MROH9: variants seen among roughly 807,000 people sequenced by gnomAD.
MROH9 encodes the protein maestro heat-like repeat-containing protein family member 9.
Under a neutral mutation model 98.2 loss-of-function variants are expected in MROH9, and 92 were observed. The ratio of observed to expected loss-of-function variants is 0.94; its 90% CI spans 0.79 to 1.11. The LOEUF (loss-of-function observed/expected upper bound fraction) is 1.11, where lower values mean the gene tolerates loss of function less well. Ranked by LOEUF, MROH9 falls within the 50% of genes most tolerant of loss-of-function variation. The pLI, the probability that MROH9 is intolerant of heterozygous loss-of-function variation, is 0.00. For missense variants in MROH9, 1,057 were observed against 1,014.8 expected (o/e 1.04, Z -0.57); for synonymous variants, 397 against 368.9 (o/e 1.08, Z -0.87).
In MROH9 at chr1:170,963,755, T is replaced by C. The variant is rs544699588; in HGVS notation, c.376-1396T>C. Among the ~76,000 whole-genome samples, 3 of 152,156 alleles carry C rather than the reference T, an allele frequency of 2.0e-5. No individual in the cohort carries two copies. In the South Asian group the frequency reaches 6.2e-4, roughly 31 times the overall value. ...AAACAGAAAACCAAATACTGCATGTTCTCACTTATTAGTGAGAGCTAAGTG... is the reference window on the plus strand; with the variant it reads ...AAACAGAAAACCAAATACTGCATGTCCTCACTTATTAGTGAGAGCTAAGTG... On this transcript the variant is annotated intron_variant, in intron 6 of 21. Coordinates refer to ENST00000367759, the MANE Select transcript of MROH9 (RefSeq NM_001163629.2).
intron 1 of MROH9, among the ~76,000 whole-genome samples, chr1:170,942,693 T>C (rs773150603): frequency 3.9e-5 from 6 of 152,128 alleles, no homozygotes; most frequent in Non-Finnish European, 8.8e-5. Context: ...CCTCCCTGGA[T>C]AGATGACTGA....
At chr1:170,981,783 A>G (rs1650941462) in intron 8 of MROH9, among the ~76,000 whole-genome samples, 1 of 152,122 alleles carries the variant, frequency 6.6e-6, no homozygotes, top group Non-Finnish European at 1.5e-5. Context: ...CAACCAAATA[A>G]AAAATAAAAA....
chr1:171,024,877 T>C (rs1176514766), intron 19 of MROH9, 112 bp downstream of exon 19: 3 of 646,638 alleles, frequency 4.6e-6, no homozygotes, highest in Admixed American at 3.1e-5. Context: ...AGGAAAAAAA[T>C]GGAAGAAAAT....
chr1:170,965,929 T>C (rs1486791717), intron 7 of MROH9, among the ~76,000 whole-genome samples: 1 of 152,160 alleles, frequency 6.6e-6, no homozygotes, highest in Non-Finnish European at 1.5e-5. Flanking sequence ...ATTCATTTTA[T>C]TATTTTAAAT....
Position 170,992,311 on chromosome 1 carries a change from C to T in MROH9, c.1176C>T (p.Thr392=), listed in dbSNP as rs1313135319. The part of the protein sequence containing the change: ...TEGKRFSLDI[T]NLMPLAACQA... ...GGAAACGTTTCTCTCTTGATATTAC[C>T]AACTTGATGCCTTTGGCGGTAAATA... Residue 392 remains threonine, a synonymous_variant, in exon 12 of 22, where the codon ACC becomes ACT. Transcript: ENST00000367759. The T allele has an allele frequency of 6.2e-7, 1 of 1,612,910 alleles. No homozygotes were observed. Among genetic ancestry groups the T allele is most frequent in the Non-Finnish European group, 8.5e-7 (1 of 1,179,374 alleles).
chr1:171,022,025 T>G (rs1201765044), intron 17 of MROH9, among the ~76,000 whole-genome samples: 1 of 151,948 alleles, frequency 6.6e-6, no homozygotes, highest in Non-Finnish European at 1.5e-5. Context: ...ATTAGAGAAA[T>G]GCAAATCAAA....
intron 15 of MROH9, among the ~76,000 whole-genome samples, chr1:171,007,190 G>A (rs1651988582): frequency 6.6e-6 from 1 of 152,152 alleles, no homozygotes; most frequent in African/African-American, 2.4e-5. Context: ...TGGAGCTAGG[G>A]CACCTGGGTG....
intron 17 of MROH9, among the ~76,000 whole-genome samples, chr1:171,018,664 G>C (rs997483557): frequency 1.3e-5 from 2 of 152,162 alleles, no homozygotes; most frequent in South Asian, 2.1e-4. Flanking sequence ...CTAGATAAAA[G>C]GTTAGAGGAG....
intron 3 of MROH9, among the ~76,000 whole-genome samples, chr1:170,950,035 A>G (rs1649486703): frequency 2.0e-5 from 3 of 152,074 alleles, no homozygotes; most frequent in Non-Finnish European, 4.4e-5. Flanking sequence ...AATTCTCACA[A>G]CAGCCCTGTG....
chr1:170,991,039 A>T (rs984800747), intron 11 of MROH9, among the ~76,000 whole-genome samples: 2 of 152,178 alleles, frequency 1.3e-5, no homozygotes, highest in African/African-American at 4.8e-5. Flanking sequence ...CACTTTGTGT[A>T]AAGTATTACT....
In MROH9 at chr1:170,994,224, G is replaced by A. The variant is rs78021725; in HGVS notation, c.1195-1165G>A. Among the ~76,000 whole-genome samples, 458 of 152,204 alleles carry A rather than the reference G, an allele frequency of 3.0e-3. 4 individuals are homozygous for A. Among genetic ancestry groups the A allele is most frequent in the African/African-American group, 0.01 (425 of 41,540 alleles). On this transcript the variant is annotated intron_variant, in intron 12 of 21. Coordinates refer to ENST00000367759, the MANE Select transcript of MROH9 (RefSeq NM_001163629.2). ...TGGTGGTGATCCATTGGTCTGTCTT[G>A]TCAAAAGACTTAGGTTGTCCACCAA...
rs1557887329 is a variant in MROH9, at chr1:170,989,984, T to C, written c.1009T>C (p.Tyr337His). The part of the protein sequence containing the change: ...PKKVIFQLMD[Y>H]PVPADDTLIQ... ...GAAGGTCATCTTTCAACTTATGGAC[T>C]ACCCAGTTCCAGCAGACGAGTAAGG... Residue 337 changes from tyrosine (Y) to histidine (H), a missense_variant, in exon 11 of 22, where the codon TAC (tyrosine) becomes CAC (histidine). Tyr to His is a moderately conservative substitution (Grantham distance 83). Transcript: ENST00000367759. The C allele has an allele frequency of 1.2e-6, 2 of 1,611,908 alleles. No homozygotes were observed. Among genetic ancestry groups the C allele is most frequent in the Non-Finnish European group, 1.7e-6 (2 of 1,178,536 alleles).
At chr1:170,970,727 T>TGAGAGA (rs1460980153) in intron 7 of MROH9, among the ~76,000 whole-genome samples, 13 of 124,448 alleles carry the variant, frequency 1.0e-4, no homozygotes, top group African/African-American at 3.5e-4. Flanking sequence ...TGTGTGTGTG[T>TGAGAGA]GTGTGAGAGA....
At chr1:170,999,108 G>A (rs1452201446) in intron 15 of MROH9, among the ~76,000 whole-genome samples, 1 of 151,716 alleles carries the variant, frequency 6.6e-6, no homozygotes, top group African/African-American at 2.4e-5. Context: ...ACTATTCTTT[G>A]CCCGGTGTCT....
At chr1:170,947,785 T>C (rs1183717672) in intron 3 of MROH9, among the ~76,000 whole-genome samples, 2 of 151,964 alleles carry the variant, frequency 1.3e-5, no homozygotes, top group African/African-American at 4.8e-5. Context: ...CTCCTGAAAA[T>C]GACCTTCAGC....
chr1:170,955,667 T>C (rs577279848), intron 3 of MROH9, among the ~76,000 whole-genome samples: 19 of 152,210 alleles, frequency 1.2e-4, no homozygotes, highest in African/African-American at 4.6e-4. Flanking sequence ...GATAAGATTG[T>C]TTTTTTCTTA....
chr1:170,940,985 G>A (rs1171037140), intron 1 of MROH9, among the ~76,000 whole-genome samples: 2 of 152,086 alleles, frequency 1.3e-5, no homozygotes, highest in East Asian at 3.9e-4. Context: ...CAGAACTGAG[G>A]AAATAACATC....
intron 15 of MROH9, among the ~76,000 whole-genome samples, chr1:171,002,944 A>G (rs927564285): frequency 1.3e-5 from 2 of 152,032 alleles, no homozygotes; most frequent in Admixed American, 1.3e-4. Flanking sequence ...GGCTTTGTTC[A>G]TATTTTCTTA....
chr1:171,059,385 AAC>A (rs1653945622), intron 20 of MROH9, among the ~76,000 whole-genome samples: 1 of 152,188 alleles, frequency 6.6e-6, no homozygotes, highest in Non-Finnish European at 1.5e-5. Context: ...AAACTCAAGA[AAC>A]AATAGATGCT....
Sources: gnomAD v4.1 joint callset for allele counts (sites outside exome capture counted in the v4.1 genomes callset) on GRCh38, gnomAD v4.1.1 for gene constraint, MANE v1.5 for transcripts, NCBI Gene and HGNC (gene_info 2026-07-23, HGNC 2026-07-21) for gene names.